Variants in SLC24A2 observed in about 807,000 individuals in gnomAD.
SLC24A2 encodes solute carrier family 24 member 2, also known as sodium/potassium/calcium exchanger 2.
A neutral mutation model predicts 62.0 loss-of-function variants in SLC24A2; 36 were observed. That is an observed-to-expected ratio of 0.58 (90% CI 0.44 to 0.77). The LOEUF (loss-of-function observed/expected upper bound fraction) is 0.77. SLC24A2 is among the 30% of genes least tolerant of loss of function. The pLI, the probability that SLC24A2 is intolerant of heterozygous loss-of-function variation, is 0.00. For synonymous variants in SLC24A2, 358 were observed against 294.0 expected (o/e 1.22, Z -2.23); for missense variants, 846 against 817.9 (o/e 1.03, Z -0.42).
chr9:19,859,968 C>G, the SLC24A2 span, among the ~76,000 whole-genome samples: 2 of 152,160 alleles, frequency 1.3e-5, no homozygotes, highest in Non-Finnish European at 2.9e-5. Flanking sequence ...GCCTTGACAC[C>G]ATGGGCTAAA....
At chr9:20,071,281 A>C in the SLC24A2 span, among the ~76,000 whole-genome samples, 2 of 152,196 alleles carry the variant, frequency 1.3e-5, no homozygotes. Context: ...AAGTCTGCCA[A>C]AGCCTTGAGC....
In SLC24A2 at chr9:19,731,136, C is replaced by T. The variant is rs543669018; in HGVS notation, c.930+54801G>A. Among the ~76,000 whole-genome samples, 3 of 152,188 alleles carry T rather than the reference C, an allele frequency of 2.0e-5. No homozygotes were observed. In the South Asian group the frequency reaches 6.2e-4, roughly 32 times the overall value. On this transcript the variant is annotated intron_variant, in intron 2 of 10. Coordinates refer to ENST00000341998, the MANE Select transcript of SLC24A2 (RefSeq NM_020344.4). Reference sequence around the variant, plus strand: ...AATTCTTCTCATTTATATATTGTCTCGATATCAAGCCCCAAATAAACTTTA... The same window carrying T: ...AATTCTTCTCATTTATATATTGTCTTGATATCAAGCCCCAAATAAACTTTA...
chr9:19,961,947 C>T, the SLC24A2 span, among the ~76,000 whole-genome samples: 3 of 152,180 alleles, frequency 2.0e-5, no homozygotes, highest in South Asian at 6.2e-4. Flanking sequence ...CCAGATAAAC[C>T]ACTCCTAGAT....
the SLC24A2 span, among the ~76,000 whole-genome samples, chr9:20,128,918 C>T: frequency 1.3e-5 from 2 of 151,836 alleles, no homozygotes; most frequent in Non-Finnish European, 2.9e-5. Context: ...AGAGCATGAG[C>T]AACAAAATTA....
the SLC24A2 span, among the ~76,000 whole-genome samples, chr9:20,063,951 C>T: frequency 4.6e-5 from 7 of 152,062 alleles, no homozygotes; most frequent in Non-Finnish European, 7.4e-5. Context: ...GTAAACTTAC[C>T]AAATAACCCA....
At chr9:19,553,857 T>G (rs956002292) in intron 7 of SLC24A2, among the ~76,000 whole-genome samples, 1 of 152,250 alleles carries the variant, frequency 6.6e-6, no homozygotes, top group Non-Finnish European at 1.5e-5. Context: ...ACAGGGCTGC[T>G]GGCCGGTTAA....
At position 19,622,253 on chromosome 9, in the gene SLC24A2, C is replaced by T. The variant is rs545380710; in HGVS notation, c.969+8G>A. On this transcript the variant is annotated splice_region_variant and intron_variant, in intron 3 of 10. Coordinates refer to ENST00000341998, the MANE Select transcript of SLC24A2 (RefSeq NM_020344.4). ...CAAACAGGTACAGACAAAGCCACTG[C>T]TTCCTACCGGTAGAGTTGGTTCATC... The T allele has an allele frequency of 4.2e-5, 68 of 1,613,056 alleles. No homozygotes were observed. In the South Asian group the frequency reaches 7.1e-4, roughly 17 times the overall value.
At chr9:20,182,408 G>A in the SLC24A2 span, among the ~76,000 whole-genome samples, 1 of 152,218 alleles carries the variant, frequency 6.6e-6, no homozygotes, top group African/African-American at 2.4e-5. Flanking sequence ...ATGATAGACT[G>A]GATAAAGAAA....
At chr9:19,922,438 T>C in the SLC24A2 span, among the ~76,000 whole-genome samples, 4 of 152,194 alleles carry the variant, frequency 2.6e-5, no homozygotes, top group Non-Finnish European at 5.9e-5. Context: ...ACATTTAAAT[T>C]TTTTCATGCC....
chr9:19,663,825 C>A (rs185535227), intron 2 of SLC24A2, among the ~76,000 whole-genome samples: 4 of 152,242 alleles, frequency 2.6e-5, no homozygotes, highest in East Asian at 3.8e-4. Context: ...CTGAGACCAA[C>A]TGCAAGACAC....
the SLC24A2 span, among the ~76,000 whole-genome samples, chr9:20,176,696 G>A: frequency 6.6e-6 from 1 of 151,958 alleles, no homozygotes; most frequent in African/African-American, 2.4e-5. Context: ...GGTGACTATG[G>A]GTCTTAGGTC....
the SLC24A2 span, among the ~76,000 whole-genome samples, chr9:19,838,654 A>T: frequency 6.6e-6 from 1 of 152,056 alleles, no homozygotes; most frequent in African/African-American, 2.4e-5. Flanking sequence ...AAAAAAGAAA[A>T]AAAAAAGTGT....
At chr9:20,270,732 T>C in the SLC24A2 span, among the ~76,000 whole-genome samples, 1 of 152,196 alleles carries the variant, frequency 6.6e-6, no homozygotes, top group African/African-American at 2.4e-5. Context: ...CAGTTAACAA[T>C]GGGACAAAAA....
the SLC24A2 span, among the ~76,000 whole-genome samples, chr9:20,117,387 T>G: frequency 6.6e-6 from 1 of 152,164 alleles, no homozygotes; most frequent in Non-Finnish European, 1.5e-5. Flanking sequence ...AATTCTGTCA[T>G]TTTTTTCATT....
At chr9:19,788,469 C>G in intron 1 of SLC24A2, 4 of 980,370 alleles carry the variant, frequency 4.1e-6, no homozygotes, top group Non-Finnish European at 4.8e-6. Context: ...CTTTGCCTTG[C>G]GTGGTCCCAA....
intron 2 of SLC24A2, among the ~76,000 whole-genome samples, chr9:19,730,286 A>G (rs1252056659): frequency 6.6e-6 from 1 of 152,198 alleles, no homozygotes; most frequent in African/African-American, 2.4e-5. Context: ...CAAGATCAGT[A>G]ATGTGCAGGC....
At chr9:19,821,419 G>A in the SLC24A2 span, among the ~76,000 whole-genome samples, 13 of 152,018 alleles carry the variant, frequency 8.6e-5, no homozygotes, top group African/African-American at 3.1e-4. Flanking sequence ...CTTTCCACCT[G>A]GATTTGGAAG....
chr9:19,745,212 T>C (rs1163900679), intron 2 of SLC24A2, among the ~76,000 whole-genome samples: 1 of 152,174 alleles, frequency 6.6e-6, no homozygotes, highest in Non-Finnish European at 1.5e-5. Flanking sequence ...GGTTGAAAGA[T>C]TCCTGAGGCC....
At chr9:20,193,698 A>G in the SLC24A2 span, among the ~76,000 whole-genome samples, 2 of 152,108 alleles carry the variant, frequency 1.3e-5, no homozygotes, top group African/African-American at 4.8e-5. Context: ...ATGTAACCCA[A>G]TAGAGAGACA....
Sources: gnomAD v4.1 joint callset for allele counts (sites outside exome capture counted in the v4.1 genomes callset) on GRCh38, gnomAD v4.1.1 for gene constraint, MANE v1.5 for transcripts, NCBI Gene and HGNC (gene_info 2026-07-23, HGNC 2026-07-21) for gene names.